TLE7: variants seen among roughly 807,000 people sequenced by gnomAD.
The protein encoded by TLE7 is transducin-like enhancer protein 7.
chr16:71,432,567 C>G (rs1031916614), intron 4 of TLE7, 98 bp downstream of exon 4: 32 of 398,302 alleles, frequency 8.0e-5, no homozygotes, highest in African/African-American at 6.2e-4. Flanking sequence ...AGGACACCCC[C>G]CTACCTATGG....
chr16:71,433,271 C>T lies in TLE7; in HGVS notation c.54G>A (p.Glu18=), dbSNP rs1439817261. 5 of 398,614 alleles carry T rather than the reference C, an allele frequency of 1.3e-5. 1 individual carries two copies. The Middle Eastern group carries it at 1.9e-3, about 149-fold the overall frequency. The allele number at this position is 398,614 out of a possible 1,614,324, so 24.7% of individuals were successfully genotyped here. A position where few individuals can be genotyped will look rare whatever the true frequency, so the allele number is the denominator to read the frequency against. The change falls in exon 2 of 10, where the codon GAG becomes GAA. Residue 18 remains glutamate, a synonymous_variant. Coordinates refer to ENST00000561754, the MANE Select transcript of TLE7 (RefSeq NM_001367365.2). ...ASLRMFGAYG[E]PEERRDVLES... ...CCAGCACATCCCTCCTCTCCTCTGG[C>T]TCACCATAAGCCCCGAACATTCTGA... is the stretch of plus-strand genomic sequence containing the variant.
At position 71,431,124 on chromosome 16, in the gene TLE7, A is replaced by G. The variant is rs1401026340; in HGVS notation, c.1144T>C (p.Cys382Arg). Reference protein sequence around the residue: ...TRHHSLKFASCGSYFVTAIDT... With the variant: ...TRHHSLKFASRGSYFVTAIDT... ...TGTCACCTGGCTTCTCACTCACCAC[A>G]GGAGGCAAACTTGAGGCTGTGGTGG... is the stretch of plus-strand genomic sequence containing the variant. Residue 382 changes from cysteine to arginine, a missense_variant, in exon 8 of 10, where the codon TGT becomes CGT. Coordinates refer to ENST00000561754, the MANE Select transcript of TLE7 (RefSeq NM_001367365.2). This position sits in a 1 kb window ranked among gnomAD's most constrained non-coding sequence, Gnocchi z 4.5. 2.5e-6 allele frequency: 1 copy of G among 400,684 alleles called. No individual in the cohort carries two copies. Among genetic ancestry groups the G allele is most frequent in the Non-Finnish European group, 4.4e-6 (1 of 226,248 alleles). 24.8% of individuals were successfully genotyped at this position (400,684 alleles called of 1,614,324 possible). A position where few individuals can be genotyped will look rare whatever the true frequency, so the allele number is the denominator to read the frequency against.
chr16:71,434,141 G>C (rs1039604964), intron 1 of TLE7, among the ~76,000 whole-genome samples: 2 of 152,084 alleles, frequency 1.3e-5, no homozygotes, highest in African/African-American at 2.4e-5. Flanking sequence ...ACGGGGCAAG[G>C]CTATCTAATG....
chr16:71,441,468 C>A (rs1382699914), intron 1 of TLE7, among the ~76,000 whole-genome samples: 1 of 152,244 alleles, frequency 6.6e-6, no homozygotes, highest in African/African-American at 2.4e-5. Context: ...GGTTAGGGAC[C>A]CGCTGCCCCA....
rs1464029046 is a variant in TLE7, at chr16:71,430,122, G to A, written c.*140C>T. ...ATCTGGGAGTGCAGGCTGAGAGCGG[G>A]CTACTGGAGGGGAGGGATGACCCAA... On this transcript the variant is annotated 3_prime_UTR_variant, in exon 10 of 10. Transcript: ENST00000561754. 5 of 396,166 alleles carry A rather than the reference G, an allele frequency of 1.3e-5. No individual in the cohort carries two copies. Among genetic ancestry groups the A allele is most frequent in the African/African-American group, 6.2e-5 (3 of 48,598 alleles). 24.5% of individuals were successfully genotyped at this position (396,166 alleles called of 1,614,324 possible).
intron 1 of TLE7, 59 bp from the exon 2 acceptor site, chr16:71,433,479 GA>G: frequency 2.5e-6 from 1 of 397,300 alleles, no homozygotes. Context: ...GGTCTCTTTA[GA>G]AGGGGCAGAG....
chr16:71,438,440 A>AAGAG (rs57186187), intron 1 of TLE7, among the ~76,000 whole-genome samples: 2 of 131,438 alleles, frequency 1.5e-5, no homozygotes, highest in African/African-American at 6.3e-5. Flanking sequence ...AAAAAAAAAA[A>AAGAG]AGAGAGAGAG....
intron 1 of TLE7, among the ~76,000 whole-genome samples, chr16:71,439,133 T>C (rs914635743): frequency 1.3e-5 from 2 of 152,028 alleles, no homozygotes; most frequent in African/African-American, 4.8e-5. Context: ...ATTCCCTCTT[T>C]GAAGGGAAAC....
intron 1 of TLE7, among the ~76,000 whole-genome samples, chr16:71,437,546 G>A (rs1010954345): frequency 2.3e-5 from 3 of 128,478 alleles, no homozygotes; most frequent in African/African-American, 5.3e-5. Flanking sequence ...ACAAGTTCCC[G>A]ATGTGTTGGT....
At chr16:71,439,437 G>A (rs928720644) in intron 1 of TLE7, among the ~76,000 whole-genome samples, 2 of 152,122 alleles carry the variant, frequency 1.3e-5, no homozygotes, top group African/African-American at 4.8e-5. Context: ...TTGGAGGCAG[G>A]GAGGGCAGGA....
intron 1 of TLE7, among the ~76,000 whole-genome samples, 198 bp downstream of exon 1, chr16:71,441,771 G>A (rs2145049065): frequency 6.6e-6 from 1 of 152,336 alleles, no homozygotes; most frequent in East Asian, 1.9e-4. Context: ...AGGGTCAGAA[G>A]CGCTGGCCCA....
rs1169963440 is a variant in TLE7, at chr16:71,431,137, G to C, written c.1131C>G (p.Leu377=). 1 of 400,684 alleles carries C rather than the reference G, an allele frequency of 2.5e-6. No individual in the cohort carries two copies. Among genetic ancestry groups the C allele is most frequent in the African/African-American group, 2.1e-5 (1 of 48,708 alleles). 24.8% of individuals were successfully genotyped at this position (400,684 alleles called of 1,614,324 possible). A position where few individuals can be genotyped will look rare whatever the true frequency, so the allele number is the denominator to read the frequency against. ...CTCACTCACCACAGGAGGCAAACTT[G>C]AGGCTGTGGTGGCGGGTGTATTTTT... ...LMKKYTRHHS[L]KFASCGSYFV... Residue 377 remains leucine (L), a synonymous_variant, in exon 8 of 10, where the codon CTC becomes CTG. Transcript: ENST00000561754. This position sits in a 1 kb window ranked among gnomAD's most constrained non-coding sequence, Gnocchi z 4.5.
Position 71,430,737 on chromosome 16 carries a change from G to T in TLE7, c.1152C>A (p.Ser384Arg), listed in dbSNP as rs779579375. The change falls in exon 9 of 10, where the codon AGC (serine) becomes AGA (arginine). Residue 384 changes from serine (S) to arginine (R), a missense_variant. Physicochemically the swap from Ser to Arg is moderately radical, Grantham distance 110. Transcript: ENST00000561754. ...HHSLKFASCG[S>R]YFVTAIDTRL... ...GCGTATCTATCGCGGTCACAAAATA[G>T]CTCCCTGGTGAAGGAACGAACAGGT... is the stretch of plus-strand genomic sequence containing the variant. 5.0e-6 allele frequency: 2 copies of T among 398,454 alleles called. No individual in the cohort carries two copies. Among genetic ancestry groups the T allele is most frequent in the African/African-American group, 2.1e-5 (1 of 48,598 alleles). The allele number at this position is 398,454 out of a possible 1,614,324, so 24.7% of individuals were successfully genotyped here.
chr16:71,432,352 T>C (rs2042808689), intron 4 of TLE7, 27 bp from the exon 5 acceptor site: 1 of 399,976 alleles, frequency 2.5e-6, no homozygotes, highest in Non-Finnish European at 4.4e-6. Context: ...TGGGTAGCAG[T>C]GGCCCTGACC....
At chr16:71,434,836 T>C (rs1462421200) in intron 1 of TLE7, among the ~76,000 whole-genome samples, 1 of 152,226 alleles carries the variant, frequency 6.6e-6, no homozygotes, top group Non-Finnish European at 1.5e-5. Context: ...TTATTACCGA[T>C]GCAGTGACCT....
intron 1 of TLE7, among the ~76,000 whole-genome samples, chr16:71,434,816 A>G (rs986336449): frequency 1.3e-5 from 2 of 152,202 alleles, no homozygotes; most frequent in African/African-American, 4.8e-5. Flanking sequence ...AAGGAAGGCA[A>G]TATCCGCCAT....
chr16:71,434,094 C>T (rs1190233643), intron 1 of TLE7, among the ~76,000 whole-genome samples: 1 of 152,120 alleles, frequency 6.6e-6, no homozygotes, highest in Non-Finnish European at 1.5e-5. Flanking sequence ...TGGAGGAAAC[C>T]CCAAGAGATC....
In TLE7 at chr16:71,432,696, C is replaced by G; in HGVS notation, c.362G>C (p.Ser121Thr). The change falls in exon 4 of 10, where the codon AGT becomes ACT. Residue 121 changes from serine (S) to threonine (T), a missense_variant. Coordinates refer to ENST00000561754, the MANE Select transcript of TLE7 (RefSeq NM_001367365.2). ...TCTGAGCAATGAGAGGACTTCTTCA[C>G]TGGGAGAGGAAGAAGAGTAAGGCTG... is the stretch of plus-strand genomic sequence containing the variant. ...VGQPYSSSSP[S>T]EEVLSLLRAI... The G allele has an allele frequency of 2.5e-6, 1 of 398,728 alleles. No homozygotes were observed. Among genetic ancestry groups the G allele is most frequent in the Admixed American group, 4.4e-5 (1 of 22,744 alleles). The allele number at this position is 398,728 out of a possible 1,614,324, so 24.7% of individuals were successfully genotyped here.
At chr16:71,439,073 C>G (rs1194425484) in intron 1 of TLE7, among the ~76,000 whole-genome samples, 1 of 152,218 alleles carries the variant, frequency 6.6e-6, no homozygotes, top group African/African-American at 2.4e-5. Context: ...CTGTGCTGGG[C>G]ACTGAGGAGA....
Sources: allele counts gnomAD v4.1 joint callset (sites outside exome capture counted in the v4.1 genomes callset), GRCh38; gene constraint gnomAD v4.1.1; non-coding constraint Gnocchi (gnomAD v3.1); transcripts MANE v1.5; gene names NCBI Gene and HGNC (gene_info 2026-07-23, HGNC 2026-07-21).